Variants in RABEP1 observed in about 807,000 individuals in gnomAD.
RABEP1 encodes rabaptin, RAB GTPase binding effector protein 1.
In RABEP1, 51 loss-of-function variants were observed where a neutral mutation model predicts 123.4. That is an observed-to-expected ratio of 0.41 (90% CI 0.33 to 0.52). The LOEUF (loss-of-function observed/expected upper bound fraction) is 0.52, where lower values mean the gene tolerates loss of function less well. Ranked by LOEUF, RABEP1 falls within the 20% of genes least tolerant of loss-of-function variation. RABEP1 has a pLI of 0.16. For synonymous variants in RABEP1, 347 were observed against 355.2 expected, an observed-to-expected ratio of 0.98 and a Z score of 0.26; for missense variants, 888 against 996.3, an observed-to-expected ratio of 0.89 and a Z score of 1.46.
chr17:5,357,148 T>C (rs1252191587), intron 8 of RABEP1, among the ~76,000 whole-genome samples: 1 of 152,092 alleles, frequency 6.6e-6, no homozygotes, highest in African/African-American at 2.4e-5. Flanking sequence ...AGTGCTGGGA[T>C]TGCAGGCTTG....
chr17:5,332,601 T>TTTC (rs1906663373), intron 3 of RABEP1, among the ~76,000 whole-genome samples: 1 of 147,754 alleles, frequency 6.8e-6, no homozygotes, highest in Non-Finnish European at 1.5e-5. Flanking sequence ...TTAGAATTTT[T>TTTC]TTTTTTTTTT....
At chr17:5,339,033 T>C (rs1907343263) in intron 5 of RABEP1, among the ~76,000 whole-genome samples, 1 of 152,062 alleles carries the variant, frequency 6.6e-6, no homozygotes, top group South Asian at 2.1e-4. Flanking sequence ...GGTGCATGCC[T>C]GTTGTCCCAC....
chr17:5,310,371 G>T (rs954398917), intron 2 of RABEP1, among the ~76,000 whole-genome samples: 1 of 143,624 alleles, frequency 7.0e-6, no homozygotes, highest in Non-Finnish European at 1.5e-5. Flanking sequence ...CTGGAGTTCA[G>T]TGGCACTATC....
intron 6 of RABEP1, among the ~76,000 whole-genome samples, chr17:5,347,184 C>A (rs1908132046): frequency 6.6e-6 from 1 of 152,078 alleles, no homozygotes; most frequent in Admixed American, 6.6e-5. Flanking sequence ...CCAAGGTGGG[C>A]AGATCACCTA....
rs1272797606 is a variant in RABEP1, at chr17:5,384,202, A to AT, written c.*979_*980insT. ...CTTTTGAATTCAGACCTGGAATGTA[A>AT]GTAAGTGACAATGCTTATGGAAAGC... On this transcript the variant is annotated 3_prime_UTR_variant, in exon 18 of 18. Coordinates refer to ENST00000537505, the MANE Select transcript of RABEP1 (RefSeq NM_004703.6). 1 of 215,060 alleles carries AT rather than the reference A, an allele frequency of 4.6e-6. No homozygotes were observed. The highest frequency in any genetic ancestry group is 7.0e-5 in the East Asian group (1 of 14,242). 13.3% of individuals were successfully genotyped at this position (215,060 alleles called of 1,614,324 possible).
intron 1 of RABEP1, among the ~76,000 whole-genome samples, chr17:5,284,581 C>T (rs2074959501): frequency 1.3e-5 from 2 of 152,102 alleles, no homozygotes; most frequent in Middle Eastern, 3.4e-3. Flanking sequence ...ATCCTGCTAC[C>T]TCAGCCTCCC....
intron 2 of RABEP1, among the ~76,000 whole-genome samples, chr17:5,324,938 G>GA (rs1353631051): frequency 1.3e-5 from 2 of 152,216 alleles, no homozygotes; most frequent in Non-Finnish European, 2.9e-5. Flanking sequence ...CCACTGTGGA[G>GA]AATAGTATGG....
At chr17:5,376,996 C>A in intron 13 of RABEP1, 120 bp from the exon 14 acceptor site, 1 of 1,061,214 alleles carries the variant, frequency 9.4e-7, no homozygotes, top group Non-Finnish European at 1.4e-6. Flanking sequence ...GCTTAATGGT[C>A]AAAGTCTTAA....
At chr17:5,330,980 C>T (rs1340059270) in intron 2 of RABEP1, among the ~76,000 whole-genome samples, 4 of 145,342 alleles carry the variant, frequency 2.8e-5, no homozygotes, top group South Asian at 2.2e-4. Flanking sequence ...TCTATGTTTG[C>T]GTCACTGCAC....
chr17:5,292,166 C>T (rs542366467), intron 1 of RABEP1, among the ~76,000 whole-genome samples: 1 of 152,326 alleles, frequency 6.6e-6, no homozygotes, highest in Non-Finnish European at 1.5e-5. Context: ...GTTAGTCTCA[C>T]TTCATCCTTG....
At chr17:5,285,297 CTTTTTTT>C (rs1177991770) in intron 1 of RABEP1, among the ~76,000 whole-genome samples, 1 of 139,734 alleles carries the variant, frequency 7.2e-6, no homozygotes, top group African/African-American at 2.6e-5. Context: ...CACTTTTTTT[CTTTTTTT>C]TTTTTTTCTT....
intron 4 of RABEP1, 83 bp from the exon 5 acceptor site, chr17:5,337,936 A>C: frequency 7.0e-7 from 1 of 1,428,480 alleles, no homozygotes; most frequent in East Asian, 2.4e-5. Context: ...TGTTATAATA[A>C]TTTTTAGCAA....
intron 1 of RABEP1, among the ~76,000 whole-genome samples, chr17:5,302,443 A>G (rs539338090): frequency 2.0e-5 from 3 of 151,598 alleles, no homozygotes; most frequent in Admixed American, 6.6e-5. Context: ...GTTTTGCCAT[A>G]TTAGCCAGGC....
Position 5,361,506 on chromosome 17 carries a change from G to T in RABEP1, c.1394G>T (p.Gly465Val), listed in dbSNP as rs1294190883. ...CTTGGGTCACTCCAGATGCCAAGTGGGTTTATGTTAACCAAAGATCAGGAA... is the reference window on the plus strand; with the variant it reads ...CTTGGGTCACTCCAGATGCCAAGTGTGTTTATGTTAACCAAAGATCAGGAA... ...ASLGSLQMPSGFMLTKDQERA... is the reference protein window; with the variant it reads ...ASLGSLQMPSVFMLTKDQERA... The change falls in exon 9 of 18, where the codon GGG becomes GTG. Residue 465 changes from glycine (G) to valine (V), a missense_variant. Transcript: ENST00000537505. The T allele has an allele frequency of 1.2e-6, 2 of 1,614,110 alleles. No homozygotes were observed. The highest frequency in any genetic ancestry group is 2.2e-5 in the East Asian group (1 of 44,878).
chr17:5,359,096 C>A (rs748351718), intron 8 of RABEP1, among the ~76,000 whole-genome samples: 1 of 145,420 alleles, frequency 6.9e-6, no homozygotes, highest in Non-Finnish European at 1.5e-5. Flanking sequence ...TTTTTTGAGA[C>A]GGAGTCTCGC....
intron 2 of RABEP1, among the ~76,000 whole-genome samples, chr17:5,320,311 T>G (rs1470125368): frequency 1.3e-5 from 2 of 149,368 alleles, no homozygotes; most frequent in African/African-American, 4.9e-5. Context: ...GAAGGAGAGA[T>G]ACATTCTTTC....
chr17:5,291,023 C>T (rs2075028071), intron 1 of RABEP1, among the ~76,000 whole-genome samples: 1 of 152,142 alleles, frequency 6.6e-6, no homozygotes, highest in South Asian at 2.1e-4. Flanking sequence ...TCTAGCTATC[C>T]CTCAGGCCAG....
intron 1 of RABEP1, among the ~76,000 whole-genome samples, chr17:5,294,434 A>G (rs1309191348): frequency 2.6e-5 from 4 of 152,032 alleles, no homozygotes; most frequent in African/African-American, 9.7e-5. Flanking sequence ...ATGCAGTATG[A>G]CAACTATTTA....
In RABEP1 at chr17:5,282,679, G is replaced by T. The variant is rs1391561846; in HGVS notation, c.34+159G>T. Among the ~76,000 whole-genome samples the T allele has an allele frequency of 2.7e-5, 4 of 146,930 alleles. No individual in the cohort carries two copies. The East Asian group carries it at 7.8e-4, about 29-fold the overall frequency. On this transcript the variant is annotated intron_variant, in intron 1 of 17. Transcript: ENST00000537505. ...GGGCGCGCGGGCTGCGGCGCGCGAG[G>T]GCGGCGCGGGCGCCCCGGCTGCCGT...
Sources: allele counts gnomAD v4.1 joint callset (sites outside exome capture counted in the v4.1 genomes callset), GRCh38; gene constraint gnomAD v4.1.1; transcripts MANE v1.5; gene names NCBI Gene and HGNC (gene_info 2026-07-23, HGNC 2026-07-21).